Variants in ZNF280D observed in about 807,000 individuals in gnomAD.
ZNF280D encodes the protein zinc finger protein 280D.
ZNF280D carries 39 observed loss-of-function variants against 94.7 expected under a neutral mutation model. The observed-to-expected ratio is 0.41, with a 90% CI of 0.32 to 0.54. The LOEUF (loss-of-function observed/expected upper bound fraction) is 0.54. Ranked by LOEUF, ZNF280D falls within the 20% of genes least tolerant of loss-of-function variation. The probability of loss-of-function intolerance (pLI) is 0.22; values close to 1 mark genes in which losing one functional copy is unlikely to be tolerated. For synonymous variants in ZNF280D, 398 were observed against 377.6 expected (o/e 1.05, Z -0.63); for missense variants, 1,090 against 1,149.3 (o/e 0.95, Z 0.75).
intron 9 of ZNF280D, 119 bp from the exon 10 acceptor site, chr15:56,682,596 A>G (rs933486749): frequency 1.6e-6 from 1 of 616,572 alleles, no homozygotes; most frequent in Non-Finnish European, 2.6e-6. Flanking sequence ...TGCTTGTAAT[A>G]TATCTAGAAA....
At chr15:56,638,075 A>C (rs1296472696) in intron 20 of ZNF280D, among the ~76,000 whole-genome samples, 9 of 152,188 alleles carry the variant, frequency 5.9e-5, no homozygotes, top group African/African-American at 2.2e-4. Context: ...GTTTCAGTAG[A>C]CTTTTTCTTT....
chr15:56,715,076 A>T lies in ZNF280D; in HGVS notation c.-85-7770T>A, dbSNP rs556849821. 9.9e-5 allele frequency among the ~76,000 whole-genome samples: 15 copies of T among 152,258 alleles called. No individual in the cohort carries two copies. In the South Asian group the frequency reaches 2.7e-3, roughly 27 times the overall value. ...GGGGCACCATAGAAATAAAAAAGTT[A>T]GCAAAATTTTGTGAATACTCAATTT... On this transcript the variant is annotated intron_variant, in intron 1 of 21. Coordinates refer to ENST00000267807, the MANE Select transcript of ZNF280D (RefSeq NM_017661.4).
intron 1 of ZNF280D, among the ~76,000 whole-genome samples, chr15:56,732,418 G>A (rs2058936621): frequency 6.6e-6 from 1 of 152,212 alleles, no homozygotes; most frequent in African/African-American, 2.4e-5. Context: ...CCCTGGTTAA[G>A]TTTCTGCGTG....
chr15:56,644,411 C>A (rs2052779931), intron 19 of ZNF280D, among the ~76,000 whole-genome samples: 1 of 151,848 alleles, frequency 6.6e-6, no homozygotes, highest in Non-Finnish European at 1.5e-5. Context: ...ACTAAGAAAA[C>A]ATGAAACATT....
At chr15:56,724,026 C>G (rs2058509973) in intron 1 of ZNF280D, among the ~76,000 whole-genome samples, 1 of 152,180 alleles carries the variant, frequency 6.6e-6, no homozygotes, top group African/African-American at 2.4e-5. Context: ...ATGTGGCTGA[C>G]TGGTAGCTGC....
chr15:56,655,484 C>T (rs1197010537), intron 17 of ZNF280D, among the ~76,000 whole-genome samples: 1 of 152,206 alleles, frequency 6.6e-6, no homozygotes, highest in African/African-American at 2.4e-5. Flanking sequence ...GGATTACAGG[C>T]GTGAGCCACT....
Position 56,642,958 on chromosome 15 carries a change from C to T in ZNF280D, c.2253G>A (p.Val751=). ...AAAGTAAAACAAACTTTACCTTAGA[C>T]ACAGGTTCTTGTTCCTTTGCGGGAG... ...KEAPAKEQEP[V]SKEIARPNMA... is the part of the protein sequence containing the mutation. The change falls in exon 20 of 22, where the codon GTG becomes GTA. Residue 751 remains valine (V), a synonymous_variant. Coordinates refer to ENST00000267807, the MANE Select transcript of ZNF280D (RefSeq NM_017661.4). 1 of 1,505,400 alleles carries T rather than the reference C, an allele frequency of 6.6e-7. No individual in the cohort carries two copies. Among genetic ancestry groups the T allele is most frequent in the Non-Finnish European group, 8.8e-7 (1 of 1,131,402 alleles). 93.3% of individuals were successfully genotyped at this position (1,505,400 alleles called of 1,614,324 possible). A position where few individuals can be genotyped will look rare whatever the true frequency, so the allele number is the denominator to read the frequency against.
intron 6 of ZNF280D, chr15:56,700,646 A>G (rs3816752): frequency 0.62 from 846,795 of 1,358,352 alleles, 268,610 homozygotes; most frequent in Non-Finnish European, 0.65. Context: ...ATTATGCAAT[A>G]TTTATGGCTG....
chr15:56,703,429 T>A (rs1263613226), intron 4 of ZNF280D, among the ~76,000 whole-genome samples: 1 of 152,192 alleles, frequency 6.6e-6, no homozygotes, highest in Non-Finnish European at 1.5e-5. Context: ...CAGTGAGGAC[T>A]GGATGTGAGA....
At chr15:56,642,882 A>T in intron 20 of ZNF280D, 70 bp downstream of exon 20, 1 of 1,201,008 alleles carries the variant, frequency 8.3e-7, no homozygotes, top group Non-Finnish European at 1.1e-6. Flanking sequence ...ATTGAAAAAA[A>T]ATTTTATATC....
At chr15:56,669,901 TA>T (rs11338741) in intron 13 of ZNF280D, among the ~76,000 whole-genome samples, 97 of 4,834 alleles carry the variant, frequency 0.02, 7 homozygotes, top group African/African-American at 0.035. Flanking sequence ...TATATATATA[TA>T]ATATATATAT....
chr15:56,695,824 G>A (rs867756778), intron 6 of ZNF280D, among the ~76,000 whole-genome samples: 1 of 151,980 alleles, frequency 6.6e-6, no homozygotes, highest in Admixed American at 6.6e-5. Context: ...CACTGCACCC[G>A]GCCAAATTAA....
At chr15:56,712,817 T>C (rs1437787961) in intron 1 of ZNF280D, among the ~76,000 whole-genome samples, 2 of 147,360 alleles carry the variant, frequency 1.4e-5, no homozygotes, top group Non-Finnish European at 3.0e-5. Context: ...CTCAGCTCAC[T>C]GCAACCTCCA....
chr15:56,709,318 C>T (rs1463204623), intron 1 of ZNF280D, among the ~76,000 whole-genome samples: 3 of 151,504 alleles, frequency 2.0e-5, no homozygotes, highest in Non-Finnish European at 4.4e-5. Context: ...GATACCATCT[C>T]ACACCAGTTA....
intron 11 of ZNF280D, 60 bp from the exon 12 acceptor site, chr15:56,677,734 TATACATC>T: frequency 1.7e-6 from 1 of 593,676 alleles, no homozygotes; most frequent in Non-Finnish European, 2.5e-6. Flanking sequence ...AAATTAATTT[TATACATC>T]TATATCAACA....
intron 17 of ZNF280D, among the ~76,000 whole-genome samples, chr15:56,658,000 T>C (rs1322055417): frequency 6.6e-6 from 1 of 152,168 alleles, no homozygotes; most frequent in Non-Finnish European, 1.5e-5. Flanking sequence ...ACCTTTACAA[T>C]GGGTTTTGCA....
chr15:56,688,477 G>A (rs1038125149), intron 9 of ZNF280D, among the ~76,000 whole-genome samples: 30 of 130,050 alleles, frequency 2.3e-4, no homozygotes, highest in African/African-American at 8.0e-4. Context: ...GTGACAGAGC[G>A]AGACTCCGTC....
intron 9 of ZNF280D, among the ~76,000 whole-genome samples, chr15:56,683,805 G>C (rs573333038): frequency 2.0e-5 from 3 of 152,074 alleles, no homozygotes; most frequent in Non-Finnish European, 2.9e-5. Context: ...TCCACAAATT[G>C]GTTTATCATT....
chr15:56,663,514 C>A (rs2054094740), intron 16 of ZNF280D, among the ~76,000 whole-genome samples: 1 of 152,036 alleles, frequency 6.6e-6, no homozygotes, highest in Non-Finnish European at 1.5e-5. Flanking sequence ...AGAATCAACA[C>A]TGCAGAGAAG....
Sources: allele counts gnomAD v4.1 joint callset (sites outside exome capture counted in the v4.1 genomes callset), GRCh38; gene constraint gnomAD v4.1.1; transcripts MANE v1.5; gene names NCBI Gene and HGNC (gene_info 2026-07-23, HGNC 2026-07-21).